PLPP4: variants seen among roughly 807,000 people sequenced by gnomAD.
PLPP4 encodes phospholipid phosphatase 4, also known as diacylglycerol pyrophosphate like 2.
Under a neutral mutation model 32.2 loss-of-function variants are expected in PLPP4, and 20 were observed. The ratio of observed to expected loss-of-function variants is 0.62; its 90% confidence interval spans 0.44 to 0.90. The LOEUF (loss-of-function observed/expected upper bound fraction) is 0.90. Among genes scored for constraint, PLPP4 ranks in the 40% least tolerant of loss-of-function variants. The pLI is 0.00. For synonymous variants in PLPP4, 127 were observed against 133.0 expected (o/e 0.95, Z 0.31); for missense variants, 257 against 353.1 (o/e 0.73, Z 2.18).
intron 1 of PLPP4, among the ~76,000 whole-genome samples, chr10:120,479,133 G>A (rs1034408479): frequency 6.6e-6 from 1 of 152,194 alleles, no homozygotes; most frequent in African/African-American, 2.4e-5. Flanking sequence ...GGCTGAGGCA[G>A]GAGAATGGCG....
chr10:120,533,891 C>G (rs1207873328), intron 5 of PLPP4, among the ~76,000 whole-genome samples: 1 of 152,090 alleles, frequency 6.6e-6, no homozygotes, highest in Non-Finnish European at 1.5e-5. Context: ...CCACCCAGTT[C>G]TTTTGTGCTG....
intron 1 of PLPP4, among the ~76,000 whole-genome samples, chr10:120,478,436 AT>A (rs1243036763): frequency 1.3e-5 from 2 of 152,156 alleles, no homozygotes; most frequent in Non-Finnish European, 2.9e-5. Flanking sequence ...CTTTGCTGGA[AT>A]TTTTTCTTTT....
chr10:120,509,841 A>C (rs1439586808), intron 2 of PLPP4, among the ~76,000 whole-genome samples: 3 of 152,220 alleles, frequency 2.0e-5, no homozygotes, highest in Non-Finnish European at 4.4e-5. Context: ...ACCTGGAAAC[A>C]AGCCTCCTTA....
intron 1 of PLPP4, among the ~76,000 whole-genome samples, chr10:120,479,343 G>T (rs1471678304): frequency 2.6e-5 from 4 of 152,190 alleles, no homozygotes; most frequent in African/African-American, 7.2e-5. Context: ...TCCCAGCAGT[G>T]CCTGATCTGG....
intron 5 of PLPP4, among the ~76,000 whole-genome samples, chr10:120,522,972 G>T (rs1846223818): frequency 6.6e-6 from 1 of 152,246 alleles, no homozygotes; most frequent in Admixed American, 6.5e-5. Context: ...GATTTAGGGT[G>T]AGCCCTAAGC....
intron 1 of PLPP4, among the ~76,000 whole-genome samples, chr10:120,494,162 C>G (rs138726255): frequency 6.6e-6 from 1 of 152,148 alleles, no homozygotes; most frequent in Non-Finnish European, 1.5e-5. Flanking sequence ...GATGTCAAAA[C>G]AAGACATAAC....
At chr10:120,546,072 A>G (rs765499940) in intron 5 of PLPP4, among the ~76,000 whole-genome samples, 1 of 152,166 alleles carries the variant, frequency 6.6e-6, no homozygotes, top group African/African-American at 2.4e-5. Flanking sequence ...TCTCGGGCCT[A>G]CAGCCACAGA....
At chr10:120,561,940 G>T (rs1219334063) in intron 5 of PLPP4, among the ~76,000 whole-genome samples, 2 of 152,156 alleles carry the variant, frequency 1.3e-5, no homozygotes, top group African/African-American at 2.4e-5. Context: ...CTTTTCTTCG[G>T]AAGTGTCTTA....
intron 1 of PLPP4, among the ~76,000 whole-genome samples, chr10:120,475,196 G>A (rs1448703107): frequency 6.6e-6 from 1 of 151,914 alleles, no homozygotes; most frequent in Admixed American, 6.6e-5. Flanking sequence ...GCAGCTCCCT[G>A]GGAGAATCCT....
intron 5 of PLPP4, among the ~76,000 whole-genome samples, chr10:120,553,965 G>C (rs1848030489): frequency 6.6e-6 from 1 of 152,172 alleles, no homozygotes; most frequent in African/African-American, 2.4e-5. Context: ...TTAACATTCA[G>C]CTCCCAGTAT....
chr10:120,582,092 T>G (rs1164211768), intron 6 of PLPP4, among the ~76,000 whole-genome samples: 1 of 152,174 alleles, frequency 6.6e-6, no homozygotes, highest in Non-Finnish European at 1.5e-5. Flanking sequence ...TAGGTCTCTG[T>G]TGTTGGCATG....
intron 6 of PLPP4, among the ~76,000 whole-genome samples, chr10:120,578,176 T>A (rs1176560340): frequency 3.9e-5 from 6 of 152,200 alleles, no homozygotes. Flanking sequence ...GCAGCAATGT[T>A]CTGGGAGTGG....
intron 1 of PLPP4, among the ~76,000 whole-genome samples, chr10:120,475,944 T>C (rs1446806621): frequency 6.6e-6 from 1 of 152,210 alleles, no homozygotes; most frequent in Non-Finnish European, 1.5e-5. Flanking sequence ...AGATAATGTC[T>C]GAAATCACTT....
chr10:120,579,756 T>C (rs1470443482), intron 6 of PLPP4, among the ~76,000 whole-genome samples: 2 of 151,912 alleles, frequency 1.3e-5, no homozygotes, highest in African/African-American at 2.4e-5. Flanking sequence ...GACAGAGCCA[T>C]TACATGAAAT....
chr10:120,563,090 T>G (rs1848507083), intron 5 of PLPP4, among the ~76,000 whole-genome samples: 1 of 152,060 alleles, frequency 6.6e-6, no homozygotes, highest in South Asian at 2.1e-4. Flanking sequence ...AATACAAAAA[T>G]TAGCCAGGCA....
At chr10:120,549,546 A>G (rs1847792729) in intron 5 of PLPP4, among the ~76,000 whole-genome samples, 1 of 151,930 alleles carries the variant, frequency 6.6e-6, no homozygotes. Context: ...TAATCCTGAT[A>G]ACAAAATCTG....
At chr10:120,559,176 A>AT (rs1848303275) in intron 5 of PLPP4, among the ~76,000 whole-genome samples, 1 of 151,460 alleles carries the variant, frequency 6.6e-6, no homozygotes, top group Non-Finnish European at 1.5e-5. Context: ...CCTTTTGACC[A>AT]TTTTTTTCAA....
chr10:120,552,253 G>T (rs1847946029), intron 5 of PLPP4, among the ~76,000 whole-genome samples: 3 of 149,514 alleles, frequency 2.0e-5, no homozygotes, highest in East Asian at 2.0e-4. Flanking sequence ...AATCCTGGCA[G>T]GCCAGATTCT....
intron 5 of PLPP4, among the ~76,000 whole-genome samples, chr10:120,574,168 ACTCTCTCTCTCTCTC>A (rs1849091656): frequency 2.1e-5 from 1 of 47,090 alleles, no homozygotes; most frequent in South Asian, 9.4e-4. Context: ...ACACACACAC[ACTCTCTCTCTCTCTC>A]TCTCTCTCTC....
Sources: gnomAD v4.1 joint callset for allele counts (sites outside exome capture counted in the v4.1 genomes callset) on GRCh38, gnomAD v4.1.1 for gene constraint, MANE v1.5 for transcripts, NCBI Gene and HGNC (gene_info 2026-07-23, HGNC 2026-07-21) for gene names.